The following ELMOD1 variants were observed in gnomAD, a reference collection of about 807,000 sequenced individuals.
The protein encoded by ELMOD1 is ELMO domain-containing protein 1.
ELMOD1 carries 21 observed loss-of-function variants against 46.7 expected under a neutral mutation model. The observed-to-expected ratio is 0.45, with a 90% CI of 0.32 to 0.65. ELMOD1 has a LOEUF of 0.65. Ranked by LOEUF, ELMOD1 falls within the 30% of genes least tolerant of loss-of-function variation. The pLI is 0.04. For synonymous variants in ELMOD1, 122 were observed against 138.2 expected (o/e 0.88, Z 0.82); for missense variants, 348 against 407.8 (o/e 0.85, Z 1.26).
rs990717882 is a variant in ELMOD1, at chr11:107,666,565, C to T, written c.*1368C>T. The T allele has an allele frequency of 2.0e-5, 3 of 152,588 alleles. No homozygotes were observed. Among genetic ancestry groups the T allele is most frequent in the Non-Finnish European group, 4.4e-5 (3 of 68,032 alleles). The allele number at this position is 152,588 out of a possible 1,614,324, so 9.5% of individuals were successfully genotyped here. A position where few individuals can be genotyped will look rare whatever the true frequency, so the allele number is the denominator to read the frequency against. On this transcript the variant is annotated 3_prime_UTR_variant, in exon 12 of 12. Coordinates refer to ENST00000265840, the MANE Select transcript of ELMOD1 (RefSeq NM_018712.4). ...AAATTGTTCCAGAACTGCTAAAAAT[C>T]ATTTTAAAAACCATGATTTAGTTTG...
intron 6 of ELMOD1, among the ~76,000 whole-genome samples, chr11:107,642,084 C>T (rs1476194675): frequency 1.3e-5 from 2 of 151,404 alleles, no homozygotes; most frequent in Non-Finnish European, 2.9e-5. Context: ...GCTGGGATTA[C>T]AGGCACCTGC....
chr11:107,651,221 G>A (rs1223098809), intron 9 of ELMOD1, among the ~76,000 whole-genome samples: 1 of 152,112 alleles, frequency 6.6e-6, no homozygotes, highest in East Asian at 1.9e-4. Context: ...CCCCAGAGAG[G>A]GGCATTTTAT....
At chr11:107,633,528 G>A (rs1484536306) in intron 5 of ELMOD1, among the ~76,000 whole-genome samples, 4 of 152,068 alleles carry the variant, frequency 2.6e-5, no homozygotes, top group Non-Finnish European at 5.9e-5. Flanking sequence ...CACCTCCCGG[G>A]TTCAAGCGAT....
chr11:107,623,032 T>C (rs1380778392), intron 2 of ELMOD1, among the ~76,000 whole-genome samples: 1 of 152,188 alleles, frequency 6.6e-6, no homozygotes, highest in Non-Finnish European at 1.5e-5. Flanking sequence ...CGTGCAGGTT[T>C]GTTACATATG....
intron 11 of ELMOD1, among the ~76,000 whole-genome samples, chr11:107,664,510 G>A (rs114703273): frequency 2.3e-3 from 352 of 152,252 alleles, no homozygotes; most frequent in African/African-American, 8.1e-3. Flanking sequence ...GTGGTTTAAC[G>A]ACCAGTCTGT....
intron 6 of ELMOD1, among the ~76,000 whole-genome samples, chr11:107,646,634 C>T (rs779669153): frequency 1.6e-4 from 25 of 152,026 alleles, no homozygotes; most frequent in Non-Finnish European, 3.1e-4. Context: ...ACTCCAGAGA[C>T]GGAGGCAGGA....
rs867787369 is a variant in ELMOD1, at chr11:107,650,366, C to G, written c.586C>G (p.Gln196Glu). The G allele has an allele frequency of 2.5e-6, 4 of 1,593,076 alleles. No homozygotes were observed. In the African/African-American group the frequency reaches 5.4e-5, roughly 21 times the overall value. The change falls in exon 8 of 12, where the codon CAG (glutamine) becomes GAG (glutamate). Residue 196 changes from glutamine to glutamate, a missense_variant. Gln to Glu is a conservative substitution (Grantham distance 29, BLOSUM62 2). Coordinates refer to ENST00000265840, the MANE Select transcript of ELMOD1 (RefSeq NM_018712.4). ...YFAERDATAAQQVLSDSLHPK... is the reference protein window; with the variant it reads ...YFAERDATAAEQVLSDSLHPK... ...CGCGGAAAGGGATGCCACAGCAGCT[C>G]AGCAGGTCCTGTCTGACTCTCTTCA... is the stretch of plus-strand genomic sequence containing the variant.
chr11:107,643,475 G>A (rs116039233), intron 6 of ELMOD1: 462 of 300,782 alleles, frequency 1.5e-3, no homozygotes, highest in African/African-American at 9.7e-3. Context: ...TGGGGAAATA[G>A]TTACTGCTTT....
At position 107,654,164 on chromosome 11, in the gene ELMOD1, C is replaced by T; in HGVS notation, c.648-8C>T. The T allele has an allele frequency of 1.9e-6, 3 of 1,575,776 alleles. No individual in the cohort carries two copies. The highest frequency in any genetic ancestry group is 2.6e-6 in the Non-Finnish European group (3 of 1,159,352). On this transcript the variant is annotated splice_polypyrimidine_tract_variant and splice_region_variant and intron_variant, in intron 9 of 11. Transcript: ENST00000265840. ...CTGACTTACTTACTTATTCATTCAT[C>T]CATTCAGCAAATTCAGCAAAGCAGA... is the stretch of plus-strand genomic sequence containing the variant.
intron 2 of ELMOD1, chr11:107,625,513 G>A (rs1270754567): frequency 1.0e-6 from 1 of 985,270 alleles, no homozygotes; most frequent in Non-Finnish European, 1.2e-6. Context: ...TTAGGATGAT[G>A]GCATAGTGTT....
intron 1 of ELMOD1, among the ~76,000 whole-genome samples, chr11:107,603,079 AT>A (rs1182022794): frequency 1.3e-5 from 2 of 152,218 alleles, no homozygotes; most frequent in Non-Finnish European, 2.9e-5. Context: ...ACCTCCTTGT[AT>A]TTAAAATATC....
Position 107,647,553 on chromosome 11 carries a change from C to G in ELMOD1, c.506C>G (p.Pro169Arg), listed in dbSNP as rs1344065630. 6.2e-7 allele frequency: 1 copy of G among 1,613,278 alleles called. No individual in the cohort carries two copies. The highest frequency in any genetic ancestry group is 1.3e-5 in the African/African-American group (1 of 74,796). Residue 169 changes from proline to arginine, a missense_variant, in exon 7 of 12, where the codon CCT (proline) becomes CGT (arginine). By Grantham distance (103) the Pro-to-Arg change is moderately radical (BLOSUM62 -2). Coordinates refer to ENST00000265840, the MANE Select transcript of ELMOD1 (RefSeq NM_018712.4). ...WCEIGFQGDD[P>R]KTDFRGMGLL... ...GAAATTGGTTTCCAAGGTGATGATC[C>G]TAAAACAGACTTTCGAGGAATGGGA...
chr11:107,619,329 T>C (rs1391428709), intron 2 of ELMOD1, among the ~76,000 whole-genome samples: 1 of 152,246 alleles, frequency 6.6e-6, no homozygotes, highest in African/African-American at 2.4e-5. Context: ...ATATAGTATT[T>C]GAAAAATCAG....
chr11:107,637,250 A>C, intron 6 of ELMOD1, among the ~76,000 whole-genome samples: 1 of 152,238 alleles, frequency 6.6e-6, no homozygotes, highest in East Asian at 1.9e-4. Context: ...AGAAAACTAT[A>C]AGCATTTTAG....
At chr11:107,650,035 A>T (rs957199467) in intron 7 of ELMOD1, among the ~76,000 whole-genome samples, 1 of 152,120 alleles carries the variant, frequency 6.6e-6, no homozygotes, top group Non-Finnish European at 1.5e-5. Context: ...CTCTTCTATA[A>T]CCCCTCTTCA....
At chr11:107,643,781 C>A in intron 6 of ELMOD1, 1 of 397,880 alleles carries the variant, frequency 2.5e-6, no homozygotes, top group Admixed American at 2.8e-5. Flanking sequence ...TGCTGAACAG[C>A]TAGCGTACTG....
At chr11:107,613,122 C>T (rs1480135807) in intron 1 of ELMOD1, among the ~76,000 whole-genome samples, 5 of 152,116 alleles carry the variant, frequency 3.3e-5, no homozygotes, top group Admixed American at 6.5e-5. Flanking sequence ...CACCAACTTG[C>T]GAGAATTTAT....
chr11:107,629,496 G>T (rs1279237001), intron 2 of ELMOD1, among the ~76,000 whole-genome samples: 1 of 152,142 alleles, frequency 6.6e-6, no homozygotes, highest in African/African-American at 2.4e-5. Flanking sequence ...TAAAGCTTAA[G>T]TCATTTGAAA....
chr11:107,628,412 G>T (rs573490061), intron 2 of ELMOD1, among the ~76,000 whole-genome samples: 1 of 152,074 alleles, frequency 6.6e-6, no homozygotes, highest in Non-Finnish European at 1.5e-5. Context: ...TGATCCACCC[G>T]CCTCAGCCTC....
Sources: allele counts gnomAD v4.1 joint callset (sites outside exome capture counted in the v4.1 genomes callset), GRCh38; gene constraint gnomAD v4.1.1; transcripts MANE v1.5; gene names NCBI Gene and HGNC (gene_info 2026-07-23, HGNC 2026-07-21).